PPP2R2B: variants seen among roughly 807,000 people sequenced by gnomAD.
PPP2R2B encodes serine/threonine-protein phosphatase 2A 55 kDa regulatory subunit B beta isoform.
A neutral mutation model predicts 46.0 loss-of-function variants in PPP2R2B; 5 were observed. That is an observed-to-expected ratio of 0.11 (90% CI 0.06 to 0.23). The LOEUF is 0.23. Ranked by LOEUF, PPP2R2B falls within the 10% of genes least tolerant of loss-of-function variation. The probability of loss-of-function intolerance (pLI) is 1.00; values close to 1 mark genes in which losing one functional copy is unlikely to be tolerated. For synonymous variants in PPP2R2B, 215 were observed against 206.7 expected (o/e 1.04, Z -0.34); for missense variants, 367 against 575.0 (o/e 0.64, Z 3.70).
chr5:146,772,552 T>G (rs1009597479), intron 2 of PPP2R2B, among the ~76,000 whole-genome samples: 2 of 151,896 alleles, frequency 1.3e-5, no homozygotes, highest in Admixed American at 6.6e-5. Context: ...TCTATATTCT[T>G]CTGTGTTTCC....
chr5:146,982,307 CCTT>C, intron 1 of PPP2R2B, among the ~76,000 whole-genome samples: 1 of 152,186 alleles, frequency 6.6e-6, no homozygotes, highest in African/African-American at 2.4e-5. Context: ...CTCAAGACTT[CCTT>C]TTTGACCCAT....
rs756989623 is a variant in PPP2R2B at position 146,598,412 on chromosome 5, A to AT, written c.960+1878dup. 2.0e-5 allele frequency among the ~76,000 whole-genome samples: 3 copies of AT among 152,108 alleles called. No homozygotes were observed. In the East Asian group the frequency reaches 5.8e-4, roughly 29 times the overall value. On this transcript the variant is annotated intron_variant, in intron 8 of 9. Transcript: ENST00000394411. ...ATATTTTCTGACCTCTTCTTTAATTATACTAATTGTCTAGAAGATCTCATC... is the reference window on the plus strand; with the variant it reads ...ATATTTTCTGACCTCTTCTTTAATTATTACTAATTGTCTAGAAGATCTCATC...
intron 2 of PPP2R2B, among the ~76,000 whole-genome samples, chr5:146,870,737 C>G (rs11742013): frequency 2.4e-4 from 37 of 152,308 alleles, no homozygotes; most frequent in Non-Finnish European, 4.7e-4. Context: ...AAGGGCCCCT[C>G]TAGATTCCTA....
chr5:146,990,080 A>G (rs1024412784), intron 1 of PPP2R2B, among the ~76,000 whole-genome samples: 11 of 75,084 alleles, frequency 1.5e-4, no homozygotes, highest in Non-Finnish European at 4.0e-4. Flanking sequence ...AAAGAAGCTG[A>G]AAAAGACAAA....
intron 1 of PPP2R2B, among the ~76,000 whole-genome samples, chr5:147,005,511 A>G (rs1754395476): frequency 6.6e-6 from 1 of 152,194 alleles, no homozygotes; most frequent in African/African-American, 2.4e-5. Context: ...CCCACTAAAT[A>G]CCACAAAGAA....
intron 2 of PPP2R2B, chr5:146,707,044 T>C: frequency 9.1e-7 from 1 of 1,104,676 alleles, no homozygotes. Flanking sequence ...AAATTCATTC[T>C]CCGTCTCTGT....
intron 2 of PPP2R2B, among the ~76,000 whole-genome samples, chr5:147,073,516 G>A (rs1447755370): frequency 2.6e-5 from 4 of 152,188 alleles, no homozygotes; most frequent in Non-Finnish European, 5.9e-5. Flanking sequence ...GTGCAGAGAA[G>A]AGATCTCCAC....
intron 7 of PPP2R2B, among the ~76,000 whole-genome samples, chr5:146,609,798 G>C (rs1238417671): frequency 7.6e-6 from 1 of 132,104 alleles, no homozygotes; most frequent in East Asian, 2.4e-4. Flanking sequence ...CTTAAGAAAC[G>C]GCGCACCACG....
intron 2 of PPP2R2B, among the ~76,000 whole-genome samples, chr5:146,756,836 G>A (rs1032791012): frequency 5.3e-5 from 8 of 152,180 alleles, no homozygotes; most frequent in Non-Finnish European, 1.2e-4. Flanking sequence ...GGGTAACAAG[G>A]CACATCCACC....
chr5:147,007,554 C>G (rs1049847200), intron 1 of PPP2R2B, among the ~76,000 whole-genome samples: 1 of 152,174 alleles, frequency 6.6e-6, no homozygotes, highest in Admixed American at 6.5e-5. Context: ...CAGTGGCAAA[C>G]TGCTCAGGTC....
At chr5:146,964,479 C>T (rs1404652608) in intron 1 of PPP2R2B, among the ~76,000 whole-genome samples, 1 of 152,098 alleles carries the variant, frequency 6.6e-6, no homozygotes, top group Non-Finnish European at 1.5e-5. Flanking sequence ...CAACAGCCCA[C>T]TCTAGAAAAG....
chr5:146,798,440 C>T (rs1488512357), intron 2 of PPP2R2B, among the ~76,000 whole-genome samples: 2 of 152,046 alleles, frequency 1.3e-5, no homozygotes, highest in African/African-American at 2.4e-5. Context: ...TGATTTATAC[C>T]CATTGATAGG....
chr5:146,785,712 T>A (rs161033), intron 2 of PPP2R2B, among the ~76,000 whole-genome samples: 109,387 of 152,120 alleles, frequency 0.72, 39,676 homozygotes, highest in Non-Finnish European at 0.75. Flanking sequence ...CAGATAAGTT[T>A]TGGAAGTAAA....
chr5:146,726,270 A>G (rs368211962), intron 2 of PPP2R2B, among the ~76,000 whole-genome samples: 21 of 151,852 alleles, frequency 1.4e-4, no homozygotes, highest in African/African-American at 5.1e-4. Context: ...GATTTTGGCC[A>G]ATTTAAGCCA....
rs1561750065 is a variant in PPP2R2B at position 146,593,075 on chromosome 5, CAT to C, written c.961-15_961-14del. ...GGTAGTCATGAACCTGGAGAGGAAA[CAT>C]ATCGAGAAGGTCAGTTATTATTTTA... On this transcript the variant is annotated splice_polypyrimidine_tract_variant and intron_variant, in intron 8 of 9. Transcript: ENST00000394411. The C allele has an allele frequency of 1.3e-6, 2 of 1,588,296 alleles. No individual in the cohort carries two copies. The highest frequency in any genetic ancestry group is 2.2e-5 in the East Asian group (1 of 44,746).
chr5:146,799,241 T>A, intron 2 of PPP2R2B, among the ~76,000 whole-genome samples: 1 of 152,224 alleles, frequency 6.6e-6, no homozygotes, highest in East Asian at 1.9e-4. Flanking sequence ...TTATTTGCAC[T>A]AGCCTAATTT....
intron 2 of PPP2R2B, among the ~76,000 whole-genome samples, chr5:146,714,478 T>C (rs964109674): frequency 6.6e-6 from 1 of 152,130 alleles, no homozygotes; most frequent in African/African-American, 2.4e-5. Flanking sequence ...AGCATGTTTA[T>C]ATGCTGGTGG....
At chr5:146,868,489 TGA>T (rs955455815) in intron 2 of PPP2R2B, among the ~76,000 whole-genome samples, 1 of 152,148 alleles carries the variant, frequency 6.6e-6, no homozygotes. Context: ...TCATAGAAAC[TGA>T]GAGTCAGAAA....
At chr5:146,731,146 A>G (rs1478275640) in intron 2 of PPP2R2B, among the ~76,000 whole-genome samples, 1 of 152,200 alleles carries the variant, frequency 6.6e-6, no homozygotes, top group African/African-American at 2.4e-5. Context: ...TATTCTTCTC[A>G]TAAATAAAAT....
Sources: allele counts gnomAD v4.1 joint callset (sites outside exome capture counted in the v4.1 genomes callset), GRCh38; gene constraint gnomAD v4.1.1; transcripts MANE v1.5; gene names NCBI Gene and HGNC (gene_info 2026-07-23, HGNC 2026-07-21).